ACYP2: variants seen among roughly 807,000 people sequenced by gnomAD.
ACYP2 encodes the protein acylphosphatase 2, also known as acylphosphatase-2.
In ACYP2, 12 loss-of-function variants were observed where a neutral mutation model predicts 11.2. The observed-to-expected ratio is 1.08, with a 90% CI of 0.69 to 1.74. The LOEUF is 1.74. Among genes scored for constraint, ACYP2 ranks in the 40% most tolerant of loss-of-function variants. The pLI, the probability that ACYP2 is intolerant of heterozygous loss-of-function variation, is 0.00. For synonymous variants in ACYP2, 43 were observed against 32.2 expected, an observed-to-expected ratio of 1.33 and a Z score of -1.13; for missense variants, 134 against 101.9, an observed-to-expected ratio of 1.31 and a Z score of -1.35.
chr2:54,165,549 A>T (rs1008784467), intron 6 of ACYP2, among the ~76,000 whole-genome samples: 4 of 151,306 alleles, frequency 2.6e-5, no homozygotes, highest in Admixed American at 6.6e-5. Context: ...ACACACACAC[A>T]CACACACACA....
At chr2:54,101,598 T>C (rs1385979197) in intron 4 of ACYP2, among the ~76,000 whole-genome samples, 2 of 148,418 alleles carry the variant, frequency 1.3e-5, no homozygotes, top group African/African-American at 5.0e-5. Context: ...CGCTTGAACC[T>C]GGGAGGCAGA....
chr2:54,038,153 AT>A (rs1675010363), intron 2 of ACYP2, among the ~76,000 whole-genome samples: 1 of 152,192 alleles, frequency 6.6e-6, no homozygotes, highest in African/African-American at 2.4e-5. Context: ...GGGAGGACAG[AT>A]TTATTCTAAC....
chr2:54,035,274 T>TC (rs1406681087), intron 2 of ACYP2, among the ~76,000 whole-genome samples: 1 of 147,078 alleles, frequency 6.8e-6, no homozygotes, highest in Admixed American at 6.7e-5. Context: ...TCTTTTTTTT[T>TC]TTTTTTTTTG....
At chr2:54,195,151 C>G (rs1248464599) in intron 6 of ACYP2, among the ~76,000 whole-genome samples, 3 of 152,184 alleles carry the variant, frequency 2.0e-5, no homozygotes, top group African/African-American at 7.2e-5. Flanking sequence ...TGTTTCTCTT[C>G]TGTTGGCCTC....
intron 4 of ACYP2, among the ~76,000 whole-genome samples, chr2:54,059,472 A>G (rs955296814): frequency 6.6e-6 from 1 of 152,152 alleles, no homozygotes; most frequent in Admixed American, 6.5e-5. Flanking sequence ...TTGGCCTCCC[A>G]AAGTGCTGGG....
At chr2:54,039,258 A>ATTTTTTTTT (rs112626580) in intron 2 of ACYP2, among the ~76,000 whole-genome samples, 1 of 133,310 alleles carries the variant, frequency 7.5e-6, no homozygotes, top group Non-Finnish European at 1.6e-5. Flanking sequence ...TCGTGCTTTA[A>ATTTTTTTTT]TTTTTTTTTT....
chr2:54,201,669 T>C (rs1356994349), intron 6 of ACYP2, among the ~76,000 whole-genome samples: 1 of 111,350 alleles, frequency 9.0e-6, no homozygotes, highest in Non-Finnish European at 1.9e-5. Context: ...TTTCTTTCTT[T>C]CTTTCTTTCT....
intron 2 of ACYP2, among the ~76,000 whole-genome samples, chr2:53,979,618 T>A (rs1671655722): frequency 6.7e-6 from 1 of 148,320 alleles, no homozygotes; most frequent in Non-Finnish European, 1.5e-5. Flanking sequence ...AGAGTGAGAC[T>A]CTGTCTCAAA....
At chr2:54,115,330 G>C in intron 4 of ACYP2, 1 of 495,692 alleles carries the variant, frequency 2.0e-6, no homozygotes, top group Non-Finnish European at 3.5e-6. Context: ...ATAAAGCTGG[G>C]GGAAGCCACT....
At chr2:54,267,855 T>C (rs890434248) in intron 6 of ACYP2, among the ~76,000 whole-genome samples, 6 of 152,176 alleles carry the variant, frequency 3.9e-5, no homozygotes, top group African/African-American at 1.4e-4. Flanking sequence ...CTTCCTAGAA[T>C]CGGCTCTTGT....
At chr2:54,165,831 G>C (rs1487441783) in intron 6 of ACYP2, among the ~76,000 whole-genome samples, 2 of 152,026 alleles carry the variant, frequency 1.3e-5, no homozygotes, top group African/African-American at 4.8e-5. Context: ...GAAATCTAAG[G>C]AGTTTATATA....
At chr2:54,288,319 A>C (rs1334873764) in intron 6 of ACYP2, among the ~76,000 whole-genome samples, 1 of 151,980 alleles carries the variant, frequency 6.6e-6, no homozygotes, top group African/African-American at 2.4e-5. Flanking sequence ...TAAAAAGAAA[A>C]CTATAGCCTC....
intron 2 of ACYP2, among the ~76,000 whole-genome samples, chr2:54,032,641 A>C (rs1020923025): frequency 6.6e-6 from 1 of 152,202 alleles, no homozygotes; most frequent in African/African-American, 2.4e-5. Flanking sequence ...ACTTTAAAGT[A>C]GTTTTTTCCA....
intron 2 of ACYP2, among the ~76,000 whole-genome samples, chr2:53,977,558 C>T (rs1373858511): frequency 6.6e-6 from 1 of 151,582 alleles, no homozygotes; most frequent in East Asian, 2.0e-4. Context: ...CATGGTGAAA[C>T]CCCATGTCTA....
intron 4 of ACYP2, among the ~76,000 whole-genome samples, chr2:54,068,872 A>T (rs1370610757): frequency 6.6e-6 from 1 of 152,020 alleles, no homozygotes; most frequent in Non-Finnish European, 1.5e-5. Flanking sequence ...ATGAAATTTC[A>T]TCTTTTCATT....
intron 6 of ACYP2, among the ~76,000 whole-genome samples, chr2:54,271,489 C>T (rs1255394677): frequency 1.3e-5 from 2 of 152,010 alleles, no homozygotes; most frequent in Non-Finnish European, 2.9e-5. Flanking sequence ...TGGCCCCCCA[C>T]CCAAAGGAGG....
At chr2:54,050,258 G>A (rs751854980) in intron 2 of ACYP2, among the ~76,000 whole-genome samples, 9 of 151,902 alleles carry the variant, frequency 5.9e-5, no homozygotes, top group Admixed American at 4.6e-4. Flanking sequence ...CTTTAAAGTC[G>A]CAAAGTCTTG....
chr2:54,128,879 T>C (rs1216942624), intron 4 of ACYP2, among the ~76,000 whole-genome samples: 1 of 152,076 alleles, frequency 6.6e-6, no homozygotes, highest in Non-Finnish European at 1.5e-5. Context: ...TCTGAAACAC[T>C]CAAAACACTG....
intron 6 of ACYP2, among the ~76,000 whole-genome samples, chr2:54,199,236 G>A (rs1246159113): frequency 6.6e-6 from 1 of 152,140 alleles, no homozygotes; most frequent in African/African-American, 2.4e-5. Context: ...AAGCTCCCAT[G>A]CATTGTGGTA....
Sources: allele counts gnomAD v4.1 joint callset (sites outside exome capture counted in the v4.1 genomes callset), GRCh38; gene constraint gnomAD v4.1.1; transcripts MANE v1.5; gene names NCBI Gene and HGNC (gene_info 2026-07-23, HGNC 2026-07-21).